Variants in SLC35E3 observed in about 807,000 individuals in gnomAD.
SLC35E3 encodes the protein bladder cancer-overexpressed gene 1 protein.
In SLC35E3, 28 loss-of-function variants were observed where a neutral mutation model predicts 30.8. The observed-to-expected ratio is 0.91, with a 90% CI of 0.67 to 1.25. The LOEUF is 1.25. Among genes scored for constraint, SLC35E3 ranks in the 50% most tolerant of loss-of-function variants. The probability of loss-of-function intolerance (pLI) is 0.00; values close to 1 mark genes in which losing one functional copy is unlikely to be tolerated. For synonymous variants in SLC35E3, 146 were observed against 149.2 expected (o/e 0.98, Z 0.16); for missense variants, 365 against 375.4 (o/e 0.97, Z 0.23).
At chr12:68,753,074 G>A (rs139991360) in intron 3 of SLC35E3, among the ~76,000 whole-genome samples, 2 of 150,788 alleles carry the variant, frequency 1.3e-5, no homozygotes, top group African/African-American at 4.9e-5. Context: ...TTGAACCCGT[G>A]AGGTGGAGGT....
At chr12:68,758,130 A>G (rs1879095831) in intron 3 of SLC35E3, among the ~76,000 whole-genome samples, 1 of 151,486 alleles carries the variant, frequency 6.6e-6, no homozygotes, top group African/African-American at 2.4e-5. Flanking sequence ...ATTTAATAGA[A>G]AAAGATCTCG....
In SLC35E3 at chr12:68,747,636, G is replaced by A. The variant is rs545215203; in HGVS notation, c.403-294G>A. Among the ~76,000 whole-genome samples, 10 of 152,100 alleles carry A rather than the reference G, an allele frequency of 6.6e-5. 1 individual carries two copies. The South Asian group carries it at 2.1e-3, about 32-fold the overall frequency. On this transcript the variant is annotated intron_variant, in intron 1 of 4. Transcript: ENST00000398004. ...TTATGCTGTTTAGACACTAGTTTGG[G>A]GATCCATTTACTCACCTTTGTATTC... is the stretch of plus-strand genomic sequence containing the variant.
rs376014781 is a variant in SLC35E3, at chr12:68,746,491, C to T, written c.114C>T (p.Tyr38=). The change falls in exon 1 of 5, where the codon TAC becomes TAT. Residue 38 remains tyrosine (Y), a synonymous_variant. Transcript: ENST00000398004. The part of the protein sequence containing the change: ...IVFLNKWIYV[Y]HGFPNMSLTL... Reference sequence around the variant, plus strand: ...TCCTCAACAAATGGATTTATGTGTACCACGGCTTCCCCAACATGAGCCTGA... The same window carrying T: ...TCCTCAACAAATGGATTTATGTGTATCACGGCTTCCCCAACATGAGCCTGA... The T allele has an allele frequency of 4.3e-6, 7 of 1,614,086 alleles. No individual in the cohort carries two copies. Among genetic ancestry groups the T allele is most frequent in the East Asian group, 2.2e-5 (1 of 44,898 alleles).
chr12:68,753,809 TACACACACACACACAC>T (rs1229325376), intron 3 of SLC35E3, among the ~76,000 whole-genome samples: 2 of 148,590 alleles, frequency 1.3e-5, no homozygotes, highest in Non-Finnish European at 3.0e-5. Flanking sequence ...TATATATCCA[TACACACACACACACAC>T]ACACACACAC....
intron 3 of SLC35E3, 34 bp downstream of exon 3, chr12:68,752,224 G>A (rs1176025311): frequency 6.5e-7 from 1 of 1,546,244 alleles, no homozygotes; most frequent in South Asian, 1.2e-5. Flanking sequence ...CTAAGAAACA[G>A]TATAATAATA....
At position 68,766,115 on chromosome 12, in the gene SLC35E3, G is replaced by A. The variant is rs890658578; in HGVS notation, c.*1225G>A. The A allele has an allele frequency of 2.6e-5, 4 of 151,772 alleles. No homozygotes were observed. The highest frequency in any genetic ancestry group is 9.7e-5 in the African/African-American group (4 of 41,292). 9.4% of individuals were successfully genotyped at this position (151,772 alleles called of 1,614,324 possible). On this transcript the variant is annotated 3_prime_UTR_variant, in exon 5 of 5. Transcript: ENST00000398004. The stretch of plus-strand genomic sequence containing the variant: ...TTTTTCTAGTAGAAAATTGATGTAA[G>A]AAATCATACATTATTCATACATTTA...
At chr12:68,757,770 A>G (rs189130296) in intron 3 of SLC35E3, among the ~76,000 whole-genome samples, 47 of 152,348 alleles carry the variant, frequency 3.1e-4, no homozygotes, top group Admixed American at 1.2e-3. Context: ...TAGATATCCA[A>G]TGAATGCTTA....
At chr12:68,759,475 G>A (rs1452234374) in intron 4 of SLC35E3, among the ~76,000 whole-genome samples, 1 of 151,970 alleles carries the variant, frequency 6.6e-6, no homozygotes, top group African/African-American at 2.4e-5. Context: ...AGGCCGAGGC[G>A]GGTGAATCGC....
At position 68,778,337 on chromosome 12, in the gene SLC35E3, A is replaced by G. The variant is rs1385201065; in HGVS notation, c.*13447A>G. 6.6e-6 allele frequency: 1 copy of G among 152,244 alleles called. No individual in the cohort carries two copies. Among genetic ancestry groups the G allele is most frequent in the Non-Finnish European group, 1.5e-5 (1 of 68,054 alleles). The allele number at this position is 152,244 out of a possible 1,614,324, so 9.4% of individuals were successfully genotyped here. ...TAATAGAGGTGATAGAGCAGGCAGC[A>G]GGGAAGTTAGTAACCTTGTCTAATA... is the stretch of plus-strand genomic sequence containing the variant. On this transcript the variant is annotated 3_prime_UTR_variant, in exon 5 of 5. Transcript: ENST00000398004.
intron 2 of SLC35E3, among the ~76,000 whole-genome samples, chr12:68,750,492 G>A (rs1309909603): frequency 1.3e-5 from 2 of 152,184 alleles, no homozygotes; most frequent in Non-Finnish European, 2.9e-5. Context: ...GTTCTGCAAA[G>A]AGGGCTCGCA....
At position 68,746,347 on chromosome 12, in the gene SLC35E3, GAGGCT is replaced by G. The variant is rs1878551939; in HGVS notation, c.-28_-24del. 6.5e-7 allele frequency: 1 copy of G among 1,531,832 alleles called. No individual in the cohort carries two copies. Among genetic ancestry groups the G allele is most frequent in the African/African-American group, 1.4e-5 (1 of 72,318 alleles). 94.9% of individuals were successfully genotyped at this position (1,531,832 alleles called of 1,614,324 possible). A position where few individuals can be genotyped will look rare whatever the true frequency, so the allele number is the denominator to read the frequency against. ...CGGAGACAGGCCCGGCGCCCCTTCC[GAGGCT>G]AGACGGCCCCAGCTTCGCGGGGATC... On this transcript the variant is annotated 5_prime_UTR_variant, in exon 1 of 5. Transcript: ENST00000398004.
At chr12:68,757,270 GCTT>G (rs1201716129) in intron 3 of SLC35E3, among the ~76,000 whole-genome samples, 1 of 152,168 alleles carries the variant, frequency 6.6e-6, no homozygotes, top group Non-Finnish European at 1.5e-5. Flanking sequence ...CGTGGAACTA[GCTT>G]CTTTATATTC....
intron 2 of SLC35E3, 41 bp from the exon 3 acceptor site, chr12:68,751,991 A>G (rs1168287231): frequency 2.0e-6 from 3 of 1,537,092 alleles, no homozygotes; most frequent in Non-Finnish European, 2.6e-6. Context: ...ATGTGATACT[A>G]TTTCTTTTGT....
intron 3 of SLC35E3, among the ~76,000 whole-genome samples, chr12:68,755,220 A>G (rs1408793277): frequency 6.6e-6 from 1 of 152,124 alleles, no homozygotes; most frequent in East Asian, 1.9e-4. Context: ...TCCCAATACC[A>G]TCACCTTGCG....
intron 3 of SLC35E3, among the ~76,000 whole-genome samples, chr12:68,758,264 C>G (rs1194244014): frequency 6.6e-6 from 1 of 151,466 alleles, no homozygotes; most frequent in East Asian, 1.9e-4. Flanking sequence ...ACTAAAAATA[C>G]AAAAAATTAG....
At position 68,781,217 on chromosome 12, in the gene SLC35E3, A is replaced by G. The variant is rs1879876578; in HGVS notation, c.*16327A>G. 6.6e-6 allele frequency: 1 copy of G among 152,218 alleles called. No individual in the cohort carries two copies. Among genetic ancestry groups the G allele is most frequent in the South Asian group, 2.1e-4 (1 of 4,834 alleles). 9.4% of individuals were successfully genotyped at this position (152,218 alleles called of 1,614,324 possible). On this transcript the variant is annotated 3_prime_UTR_variant, in exon 5 of 5. Coordinates refer to ENST00000398004, the MANE Select transcript of SLC35E3 (RefSeq NM_018656.5). ...GTGACACAAATTAATCATCATTCTC[A>G]TTGTAAATTTGGCAAAGTATTTGTA...
At position 68,770,171 on chromosome 12, in the gene SLC35E3, G is replaced by C. The variant is rs994588053; in HGVS notation, c.*5281G>C. 6 of 152,230 alleles carry C rather than the reference G, an allele frequency of 3.9e-5. No individual in the cohort carries two copies. In the East Asian group the frequency reaches 1.2e-3, roughly 29 times the overall value. The allele number at this position is 152,230 out of a possible 1,614,324, so 9.4% of individuals were successfully genotyped here. A position where few individuals can be genotyped will look rare whatever the true frequency, so the allele number is the denominator to read the frequency against. ...GCCTAGTGGTTGGAGGAATTGTGAT[G>C]CTTTTAAAGAACTGTAAAAAGGATG... is the stretch of plus-strand genomic sequence containing the variant. On this transcript the variant is annotated 3_prime_UTR_variant, in exon 5 of 5. Transcript: ENST00000398004.
rs1879841097 is a variant in SLC35E3 at position 68,780,004 on chromosome 12, G to T, written c.*15114G>T. The T allele has an allele frequency of 6.6e-6, 1 of 152,142 alleles. No individual in the cohort carries two copies. Among genetic ancestry groups the T allele is most frequent in the African/African-American group, 2.4e-5 (1 of 41,430 alleles). The allele number at this position is 152,142 out of a possible 1,614,324, so 9.4% of individuals were successfully genotyped here. On this transcript the variant is annotated 3_prime_UTR_variant, in exon 5 of 5. Transcript: ENST00000398004. ...TGGGTTATGCTGTGAAGCATAGAGG[G>T]AGGGATGAAGAGGGACATTTTAAGC...
chr12:68,748,842 A>G (rs991510681), intron 2 of SLC35E3, among the ~76,000 whole-genome samples: 1 of 152,180 alleles, frequency 6.6e-6, no homozygotes, highest in Non-Finnish European at 1.5e-5. Context: ...ACAAACATCC[A>G]CTGGTTATTA....
Sources: gnomAD v4.1 joint callset for allele counts (sites outside exome capture counted in the v4.1 genomes callset) on GRCh38, gnomAD v4.1.1 for gene constraint, MANE v1.5 for transcripts, NCBI Gene and HGNC (gene_info 2026-07-23, HGNC 2026-07-21) for gene names.